Variants in PTPRN2 observed in about 807,000 individuals in gnomAD.
PTPRN2 encodes the protein protein tyrosine phosphatase receptor type N2.
A neutral mutation model predicts 118.8 loss-of-function variants in PTPRN2; 74 were observed. The observed-to-expected ratio is 0.62, with a 90% CI of 0.52 to 0.76. The LOEUF is 0.76. Ranked by LOEUF, PTPRN2 falls within the 30% of genes least tolerant of loss-of-function variation. The pLI is 0.00. For missense variants in PTPRN2, 1,481 were observed against 1,394.4 expected, an observed-to-expected ratio of 1.06 and a Z score of -0.99; for synonymous variants, 641 against 608.0, an observed-to-expected ratio of 1.05 and a Z score of -0.80.
chr7:158,582,936 T>C (rs1394000289), intron 1 of PTPRN2, among the ~76,000 whole-genome samples: 1 of 152,116 alleles, frequency 6.6e-6, no homozygotes, highest in Non-Finnish European at 1.5e-5. Context: ...CACTTTTTCA[T>C]GAGGAATTTG....
intron 15 of PTPRN2, among the ~76,000 whole-genome samples, chr7:157,612,689 A>C (rs995305766): frequency 1.3e-5 from 2 of 152,150 alleles, no homozygotes; most frequent in African/African-American, 4.8e-5. Context: ...GCGCGTCTGG[A>C]AAAGTAAGGG....
chr7:158,449,078 C>T (rs1296212436), intron 2 of PTPRN2, among the ~76,000 whole-genome samples: 1 of 152,204 alleles, frequency 6.6e-6, no homozygotes, highest in Non-Finnish European at 1.5e-5. Context: ...CTGTGGACAA[C>T]AGGGTGTGTT....
At chr7:157,693,519 C>T (rs1797621827) in intron 12 of PTPRN2, among the ~76,000 whole-genome samples, 1 of 152,122 alleles carries the variant, frequency 6.6e-6, no homozygotes, top group African/African-American at 2.4e-5. Context: ...GCTGCGGTCG[C>T]AGGGCCTTGG....
rs183460850 is a variant in PTPRN2 at position 157,929,643 on chromosome 7, A to G, written c.1724-30906T>C. 4.0e-5 allele frequency among the ~76,000 whole-genome samples: 6 copies of G among 151,644 alleles called. No individual in the cohort carries two copies. The highest frequency in any genetic ancestry group is 1.5e-4 in the African/African-American group (6 of 41,236). On this transcript the variant is annotated intron_variant, in intron 11 of 22. Transcript: ENST00000389418. The surrounding 1 kb of genome is among the most constrained non-coding windows in gnomAD (Gnocchi z 4.4). ...CCTCATTAAATCAAATTTATTCCCA[A>G]TCCTCTGATCTCCATTCACCAGCCT...
chr7:157,582,394 GA>G (rs1277189488), intron 17 of PTPRN2, among the ~76,000 whole-genome samples: 4 of 152,210 alleles, frequency 2.6e-5, no homozygotes, highest in African/African-American at 4.8e-5. Flanking sequence ...GCACGTATGT[GA>G]AAAGGGGCTG....
intron 12 of PTPRN2, among the ~76,000 whole-genome samples, chr7:157,799,700 G>A (rs1805105649): frequency 6.6e-6 from 1 of 151,432 alleles, no homozygotes; most frequent in African/African-American, 2.4e-5. Flanking sequence ...TGCTGGCTTT[G>A]CACCCACCAA....
chr7:157,779,016 C>G lies in PTPRN2; in HGVS notation c.1789-96079G>C, dbSNP rs139131379. ...GGGCCACAGCGCTCAAGCAGAGCTC[C>G]GCTCACAGCCAGGTGGCCGTGTTCT... On this transcript the variant is annotated intron_variant, in intron 12 of 22. Transcript: ENST00000389418. The surrounding 1 kb of genome is among the most constrained non-coding windows in gnomAD (Gnocchi z 4.7). Among the ~76,000 whole-genome samples the G allele has an allele frequency of 2.6e-5, 4 of 152,230 alleles. No homozygotes were observed. The highest frequency in any genetic ancestry group is 5.9e-5 in the Non-Finnish European group (4 of 68,036).
chr7:158,025,628 G>C (rs1807206680), intron 11 of PTPRN2, among the ~76,000 whole-genome samples: 1 of 152,236 alleles, frequency 6.6e-6, no homozygotes, highest in African/African-American at 2.4e-5. Flanking sequence ...GGGGATGATG[G>C]CTGGTGTATT....
intron 1 of PTPRN2, among the ~76,000 whole-genome samples, chr7:158,573,628 A>C (rs1828167315): frequency 6.6e-6 from 1 of 152,188 alleles, no homozygotes; most frequent in Non-Finnish European, 1.5e-5. Context: ...GAATGTCCTT[A>C]TGTGGAAGTT....
chr7:158,226,037 C>A (rs944862914), intron 3 of PTPRN2, among the ~76,000 whole-genome samples: 6 of 151,936 alleles, frequency 3.9e-5, no homozygotes, highest in Admixed American at 2.6e-4. Flanking sequence ...AACTGTGTCC[C>A]AGAAGGAGGA....
At chr7:158,302,289 C>T (rs1800949915) in intron 3 of PTPRN2, among the ~76,000 whole-genome samples, 1 of 152,208 alleles carries the variant, frequency 6.6e-6, no homozygotes, top group African/African-American at 2.4e-5. Flanking sequence ...GGAACAGCCA[C>T]TCCCTAAGTT....
intron 2 of PTPRN2, among the ~76,000 whole-genome samples, chr7:158,382,984 C>T (rs1586528977): frequency 6.6e-6 from 1 of 152,192 alleles, no homozygotes. Context: ...TTCCAGGAAG[C>T]TGGTCCCTGG....
At chr7:158,522,939 C>T (rs1824321825) in intron 1 of PTPRN2, among the ~76,000 whole-genome samples, 1 of 152,208 alleles carries the variant, frequency 6.6e-6, no homozygotes, top group Non-Finnish European at 1.5e-5. Flanking sequence ...TCACCCAGAA[C>T]TTGCTGGGAC....
At chr7:157,980,229 A>C (rs1803033278) in intron 11 of PTPRN2, among the ~76,000 whole-genome samples, 1 of 152,230 alleles carries the variant, frequency 6.6e-6, no homozygotes, top group East Asian at 1.9e-4. Context: ...CTGAGATGCA[A>C]ACTTCATAGG....
At chr7:158,129,612 A>G (rs1818009543) in intron 9 of PTPRN2, among the ~76,000 whole-genome samples, 1 of 152,012 alleles carries the variant, frequency 6.6e-6, no homozygotes, top group African/African-American at 2.4e-5. Flanking sequence ...CACACATCAC[A>G]TAACACCCAC....
Position 157,785,750 on chromosome 7 carries a change from G to A in PTPRN2, c.1789-102813C>T, listed in dbSNP as rs909690646. 1.3e-5 allele frequency among the ~76,000 whole-genome samples: 2 copies of A among 152,192 alleles called. No individual in the cohort carries two copies. Among genetic ancestry groups the A allele is most frequent in the African/African-American group, 4.8e-5 (2 of 41,446 alleles). The stretch of plus-strand genomic sequence containing the variant: ...CATGGCGGGAGGGGAGAAGAATCGC[G>A]ATCCTTTCCAGGTACACAGTCTAGC... On this transcript the variant is annotated intron_variant, in intron 12 of 22. Transcript: ENST00000389418. The surrounding 1 kb of genome is among the most constrained non-coding windows in gnomAD (Gnocchi z 7.3).
At chr7:157,693,614 G>A (rs1797627285) in intron 12 of PTPRN2, among the ~76,000 whole-genome samples, 1 of 151,982 alleles carries the variant, frequency 6.6e-6, no homozygotes, top group East Asian at 1.9e-4. Flanking sequence ...TGCCCGGCCC[G>A]AGCGCCCGGC....
At chr7:158,084,687 TCCACACCCA>T (rs1201491091) in intron 10 of PTPRN2, among the ~76,000 whole-genome samples, 1 of 138,860 alleles carries the variant, frequency 7.2e-6, no homozygotes, top group Non-Finnish European at 1.6e-5. Context: ...ACGACGCCCA[TCCACACCCA>T]CCACGCCCAT....
At chr7:158,449,734 G>A (rs1419217847) in intron 2 of PTPRN2, among the ~76,000 whole-genome samples, 2 of 152,310 alleles carry the variant, frequency 1.3e-5, no homozygotes, top group African/African-American at 4.8e-5. Context: ...TGGAGAGCAT[G>A]TCACACATCA....
Sources: allele counts gnomAD v4.1 joint callset (sites outside exome capture counted in the v4.1 genomes callset), GRCh38; gene constraint gnomAD v4.1.1; non-coding constraint Gnocchi (gnomAD v3.1); transcripts MANE v1.5; gene names NCBI Gene and HGNC (gene_info 2026-07-23, HGNC 2026-07-21).